FBXO11: variants seen among roughly 807,000 people sequenced by gnomAD.
FBXO11 encodes the protein F-box only protein 11.
In FBXO11, 13 loss-of-function variants were observed where a neutral mutation model predicts 117.0. The ratio of observed to expected loss-of-function variants is 0.11; its 90% confidence interval spans 0.07 to 0.18. FBXO11 has a LOEUF of 0.18. FBXO11 is among the 10% of genes least tolerant of loss of function. FBXO11 has a pLI of 1.00. For synonymous variants in FBXO11, 490 were observed against 380.5 expected, an observed-to-expected ratio of 1.29 and a Z score of -3.35; for missense variants, 767 against 1,164.4, an observed-to-expected ratio of 0.66 and a Z score of 4.97.
At chr2:47,827,231 T>G (rs1046140707) in intron 11 of FBXO11, among the ~76,000 whole-genome samples, 1 of 152,254 alleles carries the variant, frequency 6.6e-6, no homozygotes, top group South Asian at 2.1e-4. Context: ...ATTGATTGAC[T>G]TATAGTTTTA....
intron 1 of FBXO11, among the ~76,000 whole-genome samples, chr2:47,851,989 ATT>A (rs1191001581): frequency 5.0e-4 from 67 of 132,814 alleles, no homozygotes; most frequent in African/African-American, 1.4e-3. Flanking sequence ...CAAGCAACCA[ATT>A]TTTTTTTTTT....
rs1389388198 is a variant in FBXO11 at position 47,823,125 on chromosome 2, A to G, written c.1616+18T>C. On this transcript the variant is annotated intron_variant, in intron 12 of 22. Coordinates refer to ENST00000403359, the MANE Select transcript of FBXO11 (RefSeq NM_001190274.2). Reference sequence around the variant, plus strand: ...TGAAGTGAAAAAGTAATTTTCACCCATAATTATATGTAAATACCTTATTGT... The same window carrying G: ...TGAAGTGAAAAAGTAATTTTCACCCGTAATTATATGTAAATACCTTATTGT... 3 of 1,559,384 alleles carry G rather than the reference A, an allele frequency of 1.9e-6. No homozygotes were observed. The highest frequency in any genetic ancestry group is 1.4e-5 in the African/African-American group (1 of 73,214).
intron 1 of FBXO11, among the ~76,000 whole-genome samples, chr2:47,851,892 CA>C (rs748610674): frequency 5.3e-5 from 8 of 151,918 alleles, no homozygotes; most frequent in Non-Finnish European, 1.2e-4. Flanking sequence ...TGAATTCACA[CA>C]AGAAACAACT....
intron 1 of FBXO11, among the ~76,000 whole-genome samples, chr2:47,889,835 A>G (rs956884527): frequency 3.9e-5 from 6 of 152,212 alleles, no homozygotes; most frequent in Admixed American, 3.9e-4. Flanking sequence ...TGTTGTGATC[A>G]ACATTAAATT....
In FBXO11 at chr2:47,823,279, G is replaced by T. The variant is rs1193543459; in HGVS notation, c.1480C>A (p.Arg494=). 1.9e-6 allele frequency: 3 copies of T among 1,613,780 alleles called. No homozygotes were observed. The highest frequency in any genetic ancestry group is 1.1e-5 in the South Asian group (1 of 91,058). Residue 494 remains arginine (R), a synonymous_variant, in exon 12 of 23, where the codon CGA becomes AGA. Coordinates refer to ENST00000403359, the MANE Select transcript of FBXO11 (RefSeq NM_001190274.2). ...VKAYANPTVV[R]CEIHHGQTGG... ...GTCTGCCCATGGTGAATTTCACATC[G>T]AACCACTGTAGGGTTAGCATAGGCT...
At chr2:47,878,515 C>A (rs1676184136) in intron 1 of FBXO11, among the ~76,000 whole-genome samples, 1 of 152,008 alleles carries the variant, frequency 6.6e-6, no homozygotes, top group Admixed American at 6.5e-5. Flanking sequence ...TGCCACTATG[C>A]CGGGCTAATT....
chr2:47,890,614 G>T (rs899533285), intron 1 of FBXO11, among the ~76,000 whole-genome samples: 1 of 151,860 alleles, frequency 6.6e-6, no homozygotes, highest in Non-Finnish European at 1.5e-5. Context: ...GACCATCCTG[G>T]CCAACATGAC....
chr2:47,887,865 C>A (rs559956740), intron 1 of FBXO11, among the ~76,000 whole-genome samples: 2 of 151,906 alleles, frequency 1.3e-5, no homozygotes, highest in African/African-American at 4.8e-5. Flanking sequence ...TCAAAAAAAC[C>A]CATTAGCGGG....
intron 1 of FBXO11, among the ~76,000 whole-genome samples, chr2:47,864,800 A>G (rs1474456689): frequency 2.0e-5 from 3 of 152,222 alleles, no homozygotes; most frequent in Non-Finnish European, 4.4e-5. Context: ...ACAGAATTGA[A>G]AAGAAGCAAA....
At chr2:47,835,699 T>C (rs1672507277) in intron 5 of FBXO11, among the ~76,000 whole-genome samples, 173 bp downstream of exon 5, 1 of 152,210 alleles carries the variant, frequency 6.6e-6, no homozygotes, top group Non-Finnish European at 1.5e-5. Context: ...AGTTTCGCCA[T>C]GTTGGCCAAG....
chr2:47,835,282 C>T (rs368029051), intron 5 of FBXO11, among the ~76,000 whole-genome samples: 6 of 152,116 alleles, frequency 3.9e-5, no homozygotes, highest in African/African-American at 7.2e-5. Context: ...GACTCACTCA[C>T]GAAGGGCCGT....
intron 1 of FBXO11, among the ~76,000 whole-genome samples, chr2:47,851,033 G>C (rs1218980601): frequency 1.3e-5 from 2 of 152,072 alleles, no homozygotes; most frequent in Non-Finnish European, 2.9e-5. Flanking sequence ...AAATACTTAA[G>C]TTCAATCCAA....
intron 18 of FBXO11, chr2:47,811,763 C>CCA (rs1484444576): frequency 6.6e-6 from 1 of 152,142 alleles, no homozygotes; most frequent in Non-Finnish European, 1.5e-5. Context: ...AATCAATGAC[C>CCA]CAGTCCTGTT....
At chr2:47,895,121 G>A (rs968185101) in intron 1 of FBXO11, among the ~76,000 whole-genome samples, 2 of 151,942 alleles carry the variant, frequency 1.3e-5, no homozygotes, top group African/African-American at 4.8e-5. Flanking sequence ...TATATGCTGA[G>A]GTATAAAACT....
In FBXO11 at chr2:47,807,485, A is replaced by AGAT. The variant is rs549829294; in HGVS notation, c.*630_*632dup. ...CAGAAACATTGCTGGATATAATTTA[A>AGAT]GATTAGTGTTTTCTCTTTCATAGAA... On this transcript the variant is annotated 3_prime_UTR_variant, in exon 23 of 23. Coordinates refer to ENST00000403359, the MANE Select transcript of FBXO11 (RefSeq NM_001190274.2). 1.4e-3 allele frequency: 282 copies of AGAT among 207,442 alleles called. 3 individuals are homozygous for AGAT. Among genetic ancestry groups the AGAT allele is most frequent in the African/African-American group, 6.3e-3 (276 of 44,054 alleles). 12.9% of individuals were successfully genotyped at this position (207,442 alleles called of 1,614,324 possible).
intron 1 of FBXO11, among the ~76,000 whole-genome samples, chr2:47,885,342 C>G (rs535849078): frequency 6.6e-6 from 1 of 152,226 alleles, no homozygotes; most frequent in South Asian, 2.1e-4. Flanking sequence ...GCCTGTAATC[C>G]CAGCACTTTG....
At chr2:47,816,308 T>TA (rs1671004157) in intron 16 of FBXO11, among the ~76,000 whole-genome samples, 1 of 152,112 alleles carries the variant, frequency 6.6e-6, no homozygotes, top group African/African-American at 2.4e-5. Context: ...GCCTTCCGGG[T>TA]AGCTGGGACC....
chr2:47,852,421 T>C (rs1673942515), intron 1 of FBXO11, among the ~76,000 whole-genome samples: 1 of 152,210 alleles, frequency 6.6e-6, no homozygotes, highest in Admixed American at 6.5e-5. Flanking sequence ...CAACATGATT[T>C]CTAGTAATGT....
At chr2:47,876,794 T>TA (rs1676038643) in intron 1 of FBXO11, among the ~76,000 whole-genome samples, 1 of 152,192 alleles carries the variant, frequency 6.6e-6, no homozygotes, top group Non-Finnish European at 1.5e-5. Flanking sequence ...TATGAAACCT[T>TA]AAATTCTGGA....
Sources: gnomAD v4.1 joint callset for allele counts (sites outside exome capture counted in the v4.1 genomes callset) on GRCh38, gnomAD v4.1.1 for gene constraint, MANE v1.5 for transcripts, NCBI Gene and HGNC (gene_info 2026-07-23, HGNC 2026-07-21) for gene names.